HNRNPUL1: variants seen among roughly 807,000 people sequenced by gnomAD.
HNRNPUL1 encodes heterogeneous nuclear ribonucleoprotein U like 1, also known as heterogeneous nuclear ribonucleoprotein U-like protein 1.
A neutral mutation model predicts 108.5 loss-of-function variants in HNRNPUL1; 14 were observed. The ratio of observed to expected loss-of-function variants is 0.13; its 90% CI spans 0.09 to 0.20. The LOEUF is 0.20. Ranked by LOEUF, HNRNPUL1 falls within the 10% of genes least tolerant of loss-of-function variation. The pLI is 1.00. For missense variants in HNRNPUL1, 804 were observed against 1,168.3 expected, an observed-to-expected ratio of 0.69 and a Z score of 4.55; for synonymous variants, 422 against 445.2, an observed-to-expected ratio of 0.95 and a Z score of 0.66.
chr19:41,288,306 C>G (rs2036372309), intron 7 of HNRNPUL1, among the ~76,000 whole-genome samples: 1 of 151,358 alleles, frequency 6.6e-6, no homozygotes, highest in Non-Finnish European at 1.5e-5. Flanking sequence ...AGTGCAATGG[C>G]ATGATCTTGG....
chr19:41,263,973 A>C (rs999850896), upstream of HNRNPUL1, among the ~76,000 whole-genome samples: 8 of 152,180 alleles, frequency 5.3e-5, no homozygotes, highest in African/African-American at 1.9e-4. Flanking sequence ...CGGGAGATGT[A>C]CACCAATCGG....
chr19:41,264,913 C>A, intron 1 of HNRNPUL1, 115 bp downstream of exon 1: 1 of 1,338,426 alleles, frequency 7.5e-7, no homozygotes, highest in Non-Finnish European at 9.5e-7. Context: ...ATCGGGGGAT[C>A]CCGCTACCCG....
At chr19:41,266,846 C>G (rs745940941) in intron 1 of HNRNPUL1, among the ~76,000 whole-genome samples, 1 of 152,114 alleles carries the variant, frequency 6.6e-6, no homozygotes, top group East Asian at 1.9e-4. Context: ...TAGAGATTAT[C>G]GAGGACCCAG....
chr19:41,287,147 C>G (rs1315634762), intron 7 of HNRNPUL1, among the ~76,000 whole-genome samples: 1 of 151,910 alleles, frequency 6.6e-6, no homozygotes, highest in Non-Finnish European at 1.5e-5. Flanking sequence ...TCTCAAGTAG[C>G]TGGGATCACA....
chr19:41,266,037 A>C (rs985985143), intron 1 of HNRNPUL1, among the ~76,000 whole-genome samples: 1 of 152,130 alleles, frequency 6.6e-6, no homozygotes, highest in Non-Finnish European at 1.5e-5. Flanking sequence ...GGAACTCTTC[A>C]TCAGCCAGGA....
At chr19:41,300,716 T>C (rs1236530588) in intron 10 of HNRNPUL1, among the ~76,000 whole-genome samples, 1 of 152,168 alleles carries the variant, frequency 6.6e-6, no homozygotes, top group Non-Finnish European at 1.5e-5. Flanking sequence ...ACATATGTGC[T>C]AGAGCACCGC....
At chr19:41,296,702 C>T (rs866150407) in intron 10 of HNRNPUL1, among the ~76,000 whole-genome samples, 1 of 152,240 alleles carries the variant, frequency 6.6e-6, no homozygotes, top group Non-Finnish European at 1.5e-5. Flanking sequence ...CACTTCCATT[C>T]CACCAGCTTT....
At chr19:41,293,763 A>G (rs1257135536) in intron 8 of HNRNPUL1, among the ~76,000 whole-genome samples, 5 of 152,168 alleles carry the variant, frequency 3.3e-5, no homozygotes, top group Non-Finnish European at 7.4e-5. Context: ...TTGGGAGGCC[A>G]AGAAGGGAGG....
intron 7 of HNRNPUL1, among the ~76,000 whole-genome samples, chr19:41,285,854 G>A (rs1046198447): frequency 2.6e-5 from 4 of 152,082 alleles, no homozygotes; most frequent in East Asian, 1.9e-4. Context: ...AAAAATCCAC[G>A]TATAGTTTTT....
intron 7 of HNRNPUL1, among the ~76,000 whole-genome samples, chr19:41,288,815 T>C (rs2036410732): frequency 6.6e-6 from 1 of 152,170 alleles, no homozygotes; most frequent in African/African-American, 2.4e-5. Context: ...CTTGTCTTTT[T>C]TCCATTTACT....
intron 6 of HNRNPUL1, among the ~76,000 whole-genome samples, chr19:41,279,510 G>A (rs2035780143): frequency 6.6e-6 from 1 of 152,164 alleles, no homozygotes; most frequent in Admixed American, 6.5e-5. Context: ...AAGTTCCCAA[G>A]CTCCATTAAG....
intron 1 of HNRNPUL1, 192 bp downstream of exon 1, chr19:41,264,990 AGG>A: frequency 1.7e-6 from 2 of 1,191,190 alleles, no homozygotes; most frequent in Non-Finnish European, 2.1e-6. Flanking sequence ...CACTCAGTGC[AGG>A]GGGGACACTG....
intron 7 of HNRNPUL1, among the ~76,000 whole-genome samples, chr19:41,283,852 G>A (rs1447026284): frequency 1.3e-5 from 2 of 152,042 alleles, no homozygotes; most frequent in Admixed American, 1.3e-4. Flanking sequence ...CTCGGCCTGC[G>A]AAAGTCCTGG....
chr19:41,303,599 C>G lies in HNRNPUL1; in HGVS notation c.1973-373C>G, dbSNP rs555958477. On this transcript the variant is annotated intron_variant, in intron 12 of 14. Transcript: ENST00000392006. The stretch of plus-strand genomic sequence containing the variant: ...GAACTCCTGACCTCACGTGGTCCAC[C>G]CGCCTTAGCCTCCCAGAGTGCTAGG... Among the ~76,000 whole-genome samples, 3 of 152,194 alleles carry G rather than the reference C, an allele frequency of 2.0e-5. No homozygotes were observed. The East Asian group carries it at 5.8e-4, about 29-fold the overall frequency.
At chr19:41,275,738 TGTG>T (rs2035512981) in intron 4 of HNRNPUL1, among the ~76,000 whole-genome samples, 1 of 152,182 alleles carries the variant, frequency 6.6e-6, no homozygotes, top group Non-Finnish European at 1.5e-5. Context: ...GCCCCCATGA[TGTG>T]TTCACTGTGT....
At chr19:41,291,867 G>A in intron 7 of HNRNPUL1, 1 of 206,662 alleles carries the variant, frequency 4.8e-6, no homozygotes, top group East Asian at 1.2e-4. Flanking sequence ...TGTAGTCCCA[G>A]CTACTCAGGA....
rs565521484 is a variant in HNRNPUL1, at chr19:41,304,272, G to A, written c.2262+11G>A. On this transcript the variant is annotated intron_variant, in intron 13 of 14. Transcript: ENST00000392006. ...TACAGCCCTCCACAGGTGAGAGAAT[G>A]AGTGTGTGTTTGTATGTAGTGATCG... 17 of 1,593,884 alleles carry A rather than the reference G, an allele frequency of 1.1e-5. No individual in the cohort carries two copies. In the South Asian group the frequency reaches 1.7e-4, roughly 16 times the overall value.
Position 41,272,172 on chromosome 19 carries a change from G to C in HNRNPUL1, c.509G>C (p.Ser170Thr). 6.2e-7 allele frequency: 1 copy of C among 1,614,180 alleles called. No homozygotes were observed. Among genetic ancestry groups the C allele is most frequent in the Non-Finnish European group, 8.5e-7 (1 of 1,180,032 alleles). The change falls in exon 3 of 15, where the codon AGT becomes ACT. Residue 170 changes from serine to threonine, a missense_variant. By Grantham distance (58) the Ser-to-Thr change is moderately conservative. Around this residue, in one of 4 missense-constraint regions of HNRNPUL1, gnomAD observed 256 missense variants for 261.6 expected, o/e 0.98. Transcript: ENST00000392006. Reference sequence around the variant, plus strand: ...AAGCCAGACAGGCAGCAATTCCAGAGTCGAAAGAGGCCTTATGAAGAAAAC... The same window carrying C: ...AAGCCAGACAGGCAGCAATTCCAGACTCGAAAGAGGCCTTATGAAGAAAAC... ...QLKPDRQQFQ[S>T]RKRPYEENRG...
chr19:41,280,458 C>G (rs2035838757), intron 6 of HNRNPUL1, among the ~76,000 whole-genome samples: 1 of 152,042 alleles, frequency 6.6e-6, no homozygotes, highest in South Asian at 2.1e-4. Context: ...CATAAGTCAT[C>G]TCATCTTATC....
Sources: gnomAD v4.1 joint callset for allele counts (sites outside exome capture counted in the v4.1 genomes callset) on GRCh38, gnomAD v4.1.1 for gene constraint, gnomAD v4.1.1 regional missense constraint, MANE v1.5 for transcripts, NCBI Gene and HGNC (gene_info 2026-07-23, HGNC 2026-07-21) for gene names.